KCNIP4: variants seen among roughly 807,000 people sequenced by gnomAD.
KCNIP4 encodes the protein Kv channel-interacting protein 4.
KCNIP4 carries 12 observed loss-of-function variants against 34.0 expected under a neutral mutation model. That is an observed-to-expected ratio of 0.35 (90% CI 0.23 to 0.57). The LOEUF (loss-of-function observed/expected upper bound fraction) is 0.57, where lower values mean the gene tolerates loss of function less well. Among genes scored for constraint, KCNIP4 ranks in the 20% least tolerant of loss-of-function variants. The pLI, the probability that KCNIP4 is intolerant of heterozygous loss-of-function variation, is 0.83. For synonymous variants in KCNIP4, 124 were observed against 102.2 expected, an observed-to-expected ratio of 1.21 and a Z score of -1.29; for missense variants, 238 against 311.7, an observed-to-expected ratio of 0.76 and a Z score of 1.78.
At chr4:21,595,939 G>A (rs896718897) in intron 1 of KCNIP4, among the ~76,000 whole-genome samples, 3 of 152,026 alleles carry the variant, frequency 2.0e-5, no homozygotes, top group African/African-American at 7.2e-5. Context: ...AGCTTCAGGG[G>A]CCACTTGAAA....
chr4:20,873,861 G>C (rs1199575345), intron 2 of KCNIP4, among the ~76,000 whole-genome samples: 3 of 152,092 alleles, frequency 2.0e-5, no homozygotes, highest in Non-Finnish European at 2.9e-5. Flanking sequence ...CATACTTCTT[G>C]CCCCTCCTGA....
chr4:21,113,406 G>A (rs62293806), intron 1 of KCNIP4, among the ~76,000 whole-genome samples: 7 of 117,072 alleles, frequency 6.0e-5, no homozygotes, highest in Admixed American at 2.3e-4. Context: ...TTTTGCCTTC[G>A]AAAGCTGAAT....
chr4:21,768,032 A>G (rs1718539320), intron 1 of KCNIP4, among the ~76,000 whole-genome samples: 1 of 152,126 alleles, frequency 6.6e-6, no homozygotes, highest in African/African-American at 2.4e-5. Context: ...TATTATACAC[A>G]TCATTCCTTA....
intron 1 of KCNIP4, among the ~76,000 whole-genome samples, chr4:21,785,006 T>A (rs144947772): frequency 2.0e-4 from 31 of 152,204 alleles, no homozygotes; most frequent in African/African-American, 7.5e-4. Context: ...TATTACTGGC[T>A]GTCCCCACTC....
intron 1 of KCNIP4, among the ~76,000 whole-genome samples, chr4:21,393,932 G>T (rs35899981): frequency 0.024 from 3,690 of 152,160 alleles, 192 homozygotes; most frequent in East Asian, 0.19. Context: ...AAAAATTTAT[G>T]GTCCAGATAC....
chr4:21,291,785 T>A (rs1450363448), intron 1 of KCNIP4, among the ~76,000 whole-genome samples: 4 of 138,408 alleles, frequency 2.9e-5, no homozygotes, highest in Non-Finnish European at 6.2e-5. Flanking sequence ...AGCCGGGAGG[T>A]GGAGGTTGCA....
At chr4:21,306,115 C>T (rs1484561021) in intron 1 of KCNIP4, among the ~76,000 whole-genome samples, 1 of 152,140 alleles carries the variant, frequency 6.6e-6, no homozygotes, top group Non-Finnish European at 1.5e-5. Flanking sequence ...TTGCTCCTTC[C>T]TAGACATTCT....
intron 1 of KCNIP4, among the ~76,000 whole-genome samples, chr4:21,736,693 G>T (rs112389714): frequency 0.021 from 3,152 of 152,150 alleles, 60 homozygotes; most frequent in African/African-American, 0.043. Flanking sequence ...GTATTTTTAC[G>T]AGCACTTTGC....
intron 1 of KCNIP4, among the ~76,000 whole-genome samples, chr4:21,298,667 C>T (rs1425339): frequency 0.62 from 94,294 of 151,970 alleles, 29,496 homozygotes; most frequent in Middle Eastern, 0.73. Flanking sequence ...CTAAAGTGTG[C>T]GCTTGATTTG....
At chr4:21,541,759 A>G (rs1469575771) in intron 1 of KCNIP4, among the ~76,000 whole-genome samples, 1 of 152,004 alleles carries the variant, frequency 6.6e-6, no homozygotes, top group African/African-American at 2.4e-5. Flanking sequence ...CTCCTGTATA[A>G]GCCTCCTGGG....
At chr4:21,242,163 C>CAAA (rs11436478) in intron 1 of KCNIP4, among the ~76,000 whole-genome samples, 3,902 of 55,550 alleles carry the variant, frequency 0.07, 282 homozygotes, top group African/African-American at 0.13. Context: ...AATTCTGTCT[C>CAAA]AAAAAAAAAA....
chr4:21,335,920 T>C (rs2109335352), intron 1 of KCNIP4, among the ~76,000 whole-genome samples: 1 of 152,292 alleles, frequency 6.6e-6, no homozygotes, highest in South Asian at 2.1e-4. Context: ...CTCTGGGGTC[T>C]ATTAGTACCC....
rs1578588155 is a variant in KCNIP4 at position 20,774,973 on chromosome 4, C to A, written c.289-16083G>T. ...TTTACATCAAGTGCCCAGCACAATC[C>A]CAATCGCATTCTAAACACTCAGCAT... On this transcript the variant is annotated intron_variant, in intron 3 of 8. Coordinates refer to ENST00000382152, the MANE Select transcript of KCNIP4 (RefSeq NM_025221.6). Among the ~76,000 whole-genome samples the A allele has an allele frequency of 2.6e-5, 4 of 152,256 alleles. 1 individual carries two copies. The highest frequency in any genetic ancestry group is 2.6e-4 in the Admixed American group (4 of 15,286).
chr4:21,451,740 T>A (rs1040853638), intron 1 of KCNIP4, among the ~76,000 whole-genome samples: 2 of 152,104 alleles, frequency 1.3e-5, no homozygotes, highest in Non-Finnish European at 2.9e-5. Context: ...TTATCAAAAC[T>A]ACCTTAAGGT....
In KCNIP4 at chr4:20,885,227, G is replaced by A. The variant is rs1401740207; in HGVS notation, c.62-2518C>T. On this transcript the variant is annotated intron_variant, in intron 1 of 8. Transcript: ENST00000382152. ...ACCAGGTTAGGAGGATGAGAGGAGC[G>A]TGAATTCTGCTAAGGTGTAGCCATA... Among the ~76,000 whole-genome samples the A allele has an allele frequency of 6.0e-5, 9 of 150,188 alleles. No homozygotes were observed. In the South Asian group the frequency reaches 6.3e-4, roughly 11 times the overall value.
intron 1 of KCNIP4, among the ~76,000 whole-genome samples, chr4:21,486,332 C>G (rs1207477331): frequency 6.6e-6 from 1 of 152,004 alleles, no homozygotes; most frequent in Middle Eastern, 3.2e-3. Context: ...GATTGGGACA[C>G]GGATTTAGTA....
chr4:20,921,977 G>T (rs34580788), intron 1 of KCNIP4, among the ~76,000 whole-genome samples: 185 of 152,250 alleles, frequency 1.2e-3, no homozygotes, highest in Non-Finnish European at 2.0e-3. Flanking sequence ...TTAAAAATAT[G>T]CAAATACATA....
intron 1 of KCNIP4, among the ~76,000 whole-genome samples, chr4:21,302,037 A>C (rs1056145252): frequency 6.6e-6 from 1 of 152,214 alleles, no homozygotes; most frequent in African/African-American, 2.4e-5. Flanking sequence ...TTTATATTAA[A>C]GTTTCTGAGA....
intron 1 of KCNIP4, among the ~76,000 whole-genome samples, chr4:21,327,759 T>C (rs571604122): frequency 1.3e-5 from 2 of 152,118 alleles, no homozygotes; most frequent in African/African-American, 4.8e-5. Context: ...GTTTTTGTCC[T>C]ATGACTGAAT....
Sources: gnomAD v4.1 joint callset for allele counts (sites outside exome capture counted in the v4.1 genomes callset) on GRCh38, gnomAD v4.1.1 for gene constraint, MANE v1.5 for transcripts, NCBI Gene and HGNC (gene_info 2026-07-23, HGNC 2026-07-21) for gene names.